The following KIRREL3 variants were observed in gnomAD, a reference collection of about 807,000 sequenced individuals.
KIRREL3 encodes the protein kirre like nephrin family adhesion molecule 3.
In KIRREL3, 36 loss-of-function variants were observed where a neutral mutation model predicts 89.7. The ratio of observed to expected loss-of-function variants is 0.40; its 90% CI spans 0.31 to 0.53. The LOEUF (loss-of-function observed/expected upper bound fraction) is 0.53. KIRREL3 is among the 20% of genes least tolerant of loss of function. The pLI is 0.49. For missense variants in KIRREL3, 864 were observed against 1,056.6 expected, an observed-to-expected ratio of 0.82 and a Z score of 2.53; for synonymous variants, 445 against 441.4, an observed-to-expected ratio of 1.01 and a Z score of -0.10.
Position 126,955,110 on chromosome 11 carries a change from CT to C in KIRREL3, c.55+45344del, listed in dbSNP as rs1948884997. On this transcript the variant is annotated intron_variant, in intron 1 of 16. Transcript: ENST00000525144. This position sits in a 1 kb window ranked among gnomAD's most constrained non-coding sequence, Gnocchi z 4.6. The stretch of plus-strand genomic sequence containing the variant: ...GCCACATCTGCCTGAGGGGGTACTG[CT>C]GCAGGCGTGTGGCTTTTCACTGTGG... Among the ~76,000 whole-genome samples the C allele has an allele frequency of 1.3e-5, 2 of 152,288 alleles. No homozygotes were observed. The highest frequency in any genetic ancestry group is 3.4e-3 in the Middle Eastern group (1 of 294).
chr11:126,955,452 A>G lies in KIRREL3; in HGVS notation c.55+45003T>C, dbSNP rs1222608872. 6.6e-6 allele frequency among the ~76,000 whole-genome samples: 1 copy of G among 152,186 alleles called. No individual in the cohort carries two copies. Among genetic ancestry groups the G allele is most frequent in the East Asian group, 1.9e-4 (1 of 5,180 alleles). ...TTTGGAAGAAATGCCCTGGCCGCCC[A>G]TGGGCCGGGATCTTCCTAGCCCTCC... is the stretch of plus-strand genomic sequence containing the variant. On this transcript the variant is annotated intron_variant, in intron 1 of 16. Coordinates refer to ENST00000525144, the MANE Select transcript of KIRREL3 (RefSeq NM_032531.4). The surrounding 1 kb of genome is among the most constrained non-coding windows in gnomAD (Gnocchi z 4.6).
chr11:126,878,156 G>A (rs1322558560), intron 1 of KIRREL3, among the ~76,000 whole-genome samples: 3 of 152,150 alleles, frequency 2.0e-5, no homozygotes, highest in Non-Finnish European at 4.4e-5. Flanking sequence ...TCAGCTTTTA[G>A]ACAAAATTAT....
intron 1 of KIRREL3, among the ~76,000 whole-genome samples, chr11:126,718,246 C>T (rs1434694575): frequency 6.6e-6 from 1 of 152,194 alleles, no homozygotes. Context: ...CAGACACCCA[C>T]CTCTTCTGTG....
intron 1 of KIRREL3, among the ~76,000 whole-genome samples, chr11:126,706,889 C>T (rs947219144): frequency 6.7e-6 from 1 of 150,148 alleles, no homozygotes; most frequent in African/African-American, 2.4e-5. Flanking sequence ...AAGAAATTAG[C>T]TCTTTATCAG....
rs10790823 is a variant in KIRREL3 at position 126,715,362 on chromosome 11, T to C, written c.56-152450A>G. Among the ~76,000 whole-genome samples, 120,919 of 152,132 alleles carry C rather than the reference T, an allele frequency of 0.79. 49,388 individuals are homozygous for C. The highest frequency in any genetic ancestry group is 0.99 in the East Asian group (5,129 of 5,176). The stretch of plus-strand genomic sequence containing the variant: ...TGGTCTGGGACAGTTGCTGTGCTTC[T>C]GCTCTGCCCTGGCCAGCCTCTGAGG... On this transcript the variant is annotated intron_variant, in intron 1 of 16. Transcript: ENST00000525144. The surrounding 1 kb of genome is among the most constrained non-coding windows in gnomAD (Gnocchi z 4.4).
intron 1 of KIRREL3, among the ~76,000 whole-genome samples, chr11:126,858,423 G>T (rs1484498887): frequency 6.6e-6 from 1 of 152,198 alleles, no homozygotes; most frequent in African/African-American, 2.4e-5. Context: ...GTGGCAGGGT[G>T]CATATGCTTG....
chr11:126,877,798 A>G lies in KIRREL3; in HGVS notation c.55+122657T>C, dbSNP rs1945346029. Among the ~76,000 whole-genome samples the G allele has an allele frequency of 6.6e-6, 1 of 152,212 alleles. No individual in the cohort carries two copies. The highest frequency in any genetic ancestry group is 2.1e-4 in the South Asian group (1 of 4,834). On this transcript the variant is annotated intron_variant, in intron 1 of 16. Coordinates refer to ENST00000525144, the MANE Select transcript of KIRREL3 (RefSeq NM_032531.4). This position sits in a 1 kb window ranked among gnomAD's most constrained non-coding sequence, Gnocchi z 4.9. ...AACAATGTAACAGAGAAAGTGACATACAGTAGTATGTAATAACAGAAGTAT... is the reference window on the plus strand; with the variant it reads ...AACAATGTAACAGAGAAAGTGACATGCAGTAGTATGTAATAACAGAAGTAT...
rs1946693958 is a variant in KIRREL3 at position 126,687,095 on chromosome 11, G to C, written c.56-124183C>G. On this transcript the variant is annotated intron_variant, in intron 1 of 16. Coordinates refer to ENST00000525144, the MANE Select transcript of KIRREL3 (RefSeq NM_032531.4). The surrounding 1 kb of genome is among the most constrained non-coding windows in gnomAD (Gnocchi z 4.6). Reference sequence around the variant, plus strand: ...GCCAAGACCACAACACGTGTTCAAGGTATGTCTAAGAAGGCTCAAGTTCAT... The same window carrying C: ...GCCAAGACCACAACACGTGTTCAAGCTATGTCTAAGAAGGCTCAAGTTCAT... 6.6e-6 allele frequency among the ~76,000 whole-genome samples: 1 copy of C among 152,136 alleles called. No homozygotes were observed. Among genetic ancestry groups the C allele is most frequent in the Admixed American group, 6.5e-5 (1 of 15,274 alleles).
rs1037659038 is a variant in KIRREL3, at chr11:126,527,197, G to A, written c.134-510C>T. 3.3e-5 allele frequency among the ~76,000 whole-genome samples: 5 copies of A among 152,158 alleles called. No individual in the cohort carries two copies. The highest frequency in any genetic ancestry group is 1.2e-4 in the African/African-American group (5 of 41,434). On this transcript the variant is annotated intron_variant, in intron 2 of 16. Transcript: ENST00000525144. The surrounding 1 kb of genome is among the most constrained non-coding windows in gnomAD (Gnocchi z 4.2). Reference sequence around the variant, plus strand: ...ATTTTGTTGTTTCAGTGGCTCCTGGGGTGGGCTGAGGGCCAAGTTCAGAGG... The same window carrying A: ...ATTTTGTTGTTTCAGTGGCTCCTGGAGTGGGCTGAGGGCCAAGTTCAGAGG...
chr11:126,789,485 T>C (rs1472335473), intron 1 of KIRREL3, among the ~76,000 whole-genome samples: 7 of 152,152 alleles, frequency 4.6e-5, no homozygotes, highest in Admixed American at 4.6e-4. Context: ...CCTAGAAAAA[T>C]TGGAAAAAGT....
chr11:126,474,407 A>C lies in KIRREL3; in HGVS notation c.434-941T>G, dbSNP rs1212906838. Among the ~76,000 whole-genome samples the C allele has an allele frequency of 6.6e-6, 1 of 152,232 alleles. No individual in the cohort carries two copies. The highest frequency in any genetic ancestry group is 1.5e-5 in the Non-Finnish European group (1 of 68,038). ...CTCAAGGTCACATGGTGGCAGAGCC[A>C]GGGCTGGAGGCCAGGCCCAGGGAAC... On this transcript the variant is annotated intron_variant, in intron 4 of 16. Coordinates refer to ENST00000525144, the MANE Select transcript of KIRREL3 (RefSeq NM_032531.4). The surrounding 1 kb of genome is among the most constrained non-coding windows in gnomAD (Gnocchi z 6.7).
rs1490325114 is a variant in KIRREL3 at position 126,729,944 on chromosome 11, G to A, written c.56-167032C>T. Reference sequence around the variant, plus strand: ...CCCTTCCCTTCCTTGACATTTCTGTGACATTTGGCTCTGTGACGGCTTCCT... The same window carrying A: ...CCCTTCCCTTCCTTGACATTTCTGTAACATTTGGCTCTGTGACGGCTTCCT... On this transcript the variant is annotated intron_variant, in intron 1 of 16. Transcript: ENST00000525144. This position sits in a 1 kb window ranked among gnomAD's most constrained non-coding sequence, Gnocchi z 4.5. 6.6e-6 allele frequency among the ~76,000 whole-genome samples: 1 copy of A among 152,134 alleles called. No individual in the cohort carries two copies. Among genetic ancestry groups the A allele is most frequent in the Non-Finnish European group, 1.5e-5 (1 of 68,026 alleles).
chr11:126,613,893 T>TTTTTTTTTTTTTTTG (rs371748740), intron 1 of KIRREL3, among the ~76,000 whole-genome samples: 6 of 118,648 alleles, frequency 5.1e-5, no homozygotes, highest in African/African-American at 1.0e-4. Context: ...TTTTTTTTTT[T>TTTTTTTTTTTTTTTG]ATTTTTTTCC....
intron 12 of KIRREL3, among the ~76,000 whole-genome samples, chr11:126,435,597 C>T (rs1955295546): frequency 6.6e-6 from 1 of 152,060 alleles, no homozygotes; most frequent in Non-Finnish European, 1.5e-5. Flanking sequence ...AAGGGGAAGA[C>T]ACGGAGGGTA....
intron 1 of KIRREL3, among the ~76,000 whole-genome samples, chr11:126,973,555 C>T (rs1420667584): frequency 2.0e-5 from 3 of 152,158 alleles, no homozygotes; most frequent in Non-Finnish European, 4.4e-5. Context: ...CTCTGAATCT[C>T]AAGTCACTTG....
rs143825383 is a variant in KIRREL3 at position 126,755,774 on chromosome 11, C to A, written c.56-192862G>T. ...CCATGCCCCTTCTTTGCACTTTTTC[C>A]ACCCCCTCACCACTACCCTGAATGC... On this transcript the variant is annotated intron_variant, in intron 1 of 16. Coordinates refer to ENST00000525144, the MANE Select transcript of KIRREL3 (RefSeq NM_032531.4). The surrounding 1 kb of genome is among the most constrained non-coding windows in gnomAD (Gnocchi z 4.3). 6.0e-3 allele frequency among the ~76,000 whole-genome samples: 915 copies of A among 151,758 alleles called. 9 individuals carry two copies. The highest frequency in any genetic ancestry group is 0.021 in the African/African-American group (878 of 41,302).
rs1945589162 is a variant in KIRREL3 at position 126,883,646 on chromosome 11, G to A, written c.55+116809C>T. 6.6e-6 allele frequency among the ~76,000 whole-genome samples: 1 copy of A among 152,058 alleles called. No individual in the cohort carries two copies. Among genetic ancestry groups the A allele is most frequent in the African/African-American group, 2.4e-5 (1 of 41,394 alleles). On this transcript the variant is annotated intron_variant, in intron 1 of 16. Transcript: ENST00000525144. The surrounding 1 kb of genome is among the most constrained non-coding windows in gnomAD (Gnocchi z 4.1). Reference sequence around the variant, plus strand: ...GCACTCCCATAAAACCTCTATTTTAGCATTTACTTCCTTACACATAGACTT... The same window carrying A: ...GCACTCCCATAAAACCTCTATTTTAACATTTACTTCCTTACACATAGACTT...
At chr11:126,950,931 C>T (rs1317786828) in intron 1 of KIRREL3, among the ~76,000 whole-genome samples, 1 of 152,204 alleles carries the variant, frequency 6.6e-6, no homozygotes, top group Non-Finnish European at 1.5e-5. Context: ...TATTTCTGCC[C>T]CAAGAGGGCA....
At position 126,703,575 on chromosome 11, in the gene KIRREL3, G is replaced by C. The variant is rs61897864; in HGVS notation, c.56-140663C>G. ...TGATCGGTCAGAGGTCAGTCAGATCGGGAGTGATGGGGCTGTAATCCAAAT... is the reference window on the plus strand; with the variant it reads ...TGATCGGTCAGAGGTCAGTCAGATCCGGAGTGATGGGGCTGTAATCCAAAT... On this transcript the variant is annotated intron_variant, in intron 1 of 16. Transcript: ENST00000525144. The surrounding 1 kb of genome is among the most constrained non-coding windows in gnomAD (Gnocchi z 4.6). Among the ~76,000 whole-genome samples, 6,336 of 152,246 alleles carry C rather than the reference G, an allele frequency of 0.042. 177 individuals are homozygous for C. The highest frequency in any genetic ancestry group is 0.058 in the Non-Finnish European group (3,915 of 68,004).
Sources: allele counts gnomAD v4.1 joint callset (sites outside exome capture counted in the v4.1 genomes callset), GRCh38; gene constraint gnomAD v4.1.1; non-coding constraint Gnocchi (gnomAD v3.1); transcripts MANE v1.5; gene names NCBI Gene and HGNC (gene_info 2026-07-23, HGNC 2026-07-21).